EHBP1: variants seen among roughly 807,000 people sequenced by gnomAD.
EHBP1 encodes EH domain-binding protein 1.
In EHBP1, 55 loss-of-function variants were observed where a neutral mutation model predicts 144.0. The ratio of observed to expected loss-of-function variants is 0.38; its 90% confidence interval spans 0.31 to 0.48. EHBP1 has a LOEUF of 0.48. Among genes scored for constraint, EHBP1 ranks in the 20% least tolerant of loss-of-function variants. The pLI, the probability that EHBP1 is intolerant of heterozygous loss-of-function variation, is 0.98. For missense variants in EHBP1, 1,200 were observed against 1,364.2 expected (o/e 0.88, Z 1.90); for synonymous variants, 469 against 472.7 (o/e 0.99, Z 0.10).
At chr2:62,742,793 G>A (rs893846882) in intron 2 of EHBP1, among the ~76,000 whole-genome samples, 3 of 151,922 alleles carry the variant, frequency 2.0e-5, no homozygotes, top group Admixed American at 2.0e-4. Context: ...GTTGTTTGAG[G>A]GCTTTGTGAT....
intron 5 of EHBP1, among the ~76,000 whole-genome samples, chr2:62,825,872 G>C (rs1376744286): frequency 6.6e-6 from 1 of 151,796 alleles, no homozygotes; most frequent in Non-Finnish European, 1.5e-5. Flanking sequence ...TTTCTGCCTG[G>C]GTTACCGCTT....
intron 9 of EHBP1, among the ~76,000 whole-genome samples, chr2:62,870,740 T>TAC (rs1395848947): frequency 3.4e-5 from 5 of 145,532 alleles, no homozygotes; most frequent in African/African-American, 1.3e-4. Context: ...AAAAAATACA[T>TAC]ATATATATAT....
rs1173800106 is a variant in EHBP1, at chr2:63,036,030, G to T, written c.3104-1505G>T. On this transcript the variant is annotated intron_variant, in intron 19 of 22. Coordinates refer to ENST00000431489, the MANE Select transcript of EHBP1 (RefSeq NM_001142616.3). ...TTAGTTTTAACAGCATTGAATGAAG[G>T]CATATATTCTCAACTATTCTCCCTA... 3.3e-5 allele frequency among the ~76,000 whole-genome samples: 5 copies of T among 152,042 alleles called. No homozygotes were observed. The East Asian group carries it at 7.7e-4, about 23-fold the overall frequency.
intron 14 of EHBP1, among the ~76,000 whole-genome samples, chr2:62,976,356 A>G (rs1340555833): frequency 1.3e-5 from 2 of 152,082 alleles, no homozygotes; most frequent in African/African-American, 4.8e-5. Context: ...CTTGAGTTCT[A>G]CCCATTGGTT....
intron 2 of EHBP1, among the ~76,000 whole-genome samples, chr2:62,708,331 G>A (rs921194822): frequency 6.6e-6 from 1 of 152,192 alleles, no homozygotes; most frequent in Non-Finnish European, 1.5e-5. Context: ...ACCAGGTACT[G>A]TGGATTTAGA....
At chr2:62,839,913 C>A (rs1573637642) in intron 7 of EHBP1, among the ~76,000 whole-genome samples, 1 of 151,984 alleles carries the variant, frequency 6.6e-6, no homozygotes, top group South Asian at 2.1e-4. Flanking sequence ...GCCATACTGC[C>A]CAAGGTAATT....
At chr2:62,967,323 G>A (rs575414908) in intron 14 of EHBP1, among the ~76,000 whole-genome samples, 4 of 152,238 alleles carry the variant, frequency 2.6e-5, no homozygotes, top group South Asian at 4.1e-4. Context: ...ACATACGCAC[G>A]ACTTAGTGAT....
At chr2:62,996,199 C>G (rs2059619462) in intron 18 of EHBP1, among the ~76,000 whole-genome samples, 1 of 152,072 alleles carries the variant, frequency 6.6e-6, no homozygotes, top group African/African-American at 2.4e-5. Flanking sequence ...ATCTGACTCT[C>G]TCAGGTTGGA....
Position 62,864,934 on chromosome 2 carries a change from G to C in EHBP1, c.961G>C (p.Ala321Pro). 1 of 1,613,704 alleles carries C rather than the reference G, an allele frequency of 6.2e-7. No individual in the cohort carries two copies. Among genetic ancestry groups the C allele is most frequent in the South Asian group, 1.1e-5 (1 of 91,040 alleles). Reference protein sequence around the residue: ...RPVDMSKYLYADSSKTEEEEL... With the variant: ...RPVDMSKYLYPDSSKTEEEEL... ...TGTGGATATGAGCAAGTACCTCTATGCTGATAGTTCTAAAACTGAAGAAGA... is the reference window on the plus strand; with the variant it reads ...TGTGGATATGAGCAAGTACCTCTATCCTGATAGTTCTAAAACTGAAGAAGA... Residue 321 changes from alanine (A) to proline (P), a missense_variant, in exon 9 of 23, where the codon GCT (alanine) becomes CCT (proline). By Grantham distance (27) the Ala-to-Pro change is conservative (BLOSUM62 -1). Transcript: ENST00000431489.
At chr2:62,705,278 A>G (rs961638498), upstream of EHBP1, among the ~76,000 whole-genome samples, 4 of 152,056 alleles carry the variant, frequency 2.6e-5, no homozygotes, top group East Asian at 7.8e-4. Context: ...AGGCAGCTGC[A>G]CTGCCCACAG....
intron 2 of EHBP1, among the ~76,000 whole-genome samples, chr2:62,707,986 G>A (rs903269565): frequency 6.6e-6 from 1 of 152,088 alleles, no homozygotes; most frequent in African/African-American, 2.4e-5. Flanking sequence ...TGCCCTGAAT[G>A]ATAAACAACA....
chr2:62,967,488 TG>T (rs1489943291), intron 14 of EHBP1, among the ~76,000 whole-genome samples: 1 of 152,214 alleles, frequency 6.6e-6, no homozygotes, highest in Non-Finnish European at 1.5e-5. Context: ...CCTAGACGAT[TG>T]GTATTTTCCA....
intron 5 of EHBP1, among the ~76,000 whole-genome samples, chr2:62,809,661 C>G (rs111615173): frequency 0.022 from 3,293 of 152,222 alleles, 84 homozygotes; most frequent in African/African-American, 0.066. Flanking sequence ...TGTCACTCCC[C>G]CAACTAGTAG....
At chr2:62,943,052 T>C (rs1414196689) in intron 11 of EHBP1, among the ~76,000 whole-genome samples, 156 bp downstream of exon 11, 1 of 152,202 alleles carries the variant, frequency 6.6e-6, no homozygotes, top group Admixed American at 6.5e-5. Context: ...AAGCTTTTCC[T>C]TTTTCATACC....
chr2:62,840,193 C>A (rs1458232513), intron 7 of EHBP1, among the ~76,000 whole-genome samples: 1 of 150,422 alleles, frequency 6.6e-6, no homozygotes, highest in Non-Finnish European at 1.5e-5. Flanking sequence ...CGCATACCTA[C>A]AACTATCTGA....
intron 10 of EHBP1, among the ~76,000 whole-genome samples, chr2:62,897,979 A>G (rs1054096037): frequency 6.6e-5 from 10 of 152,192 alleles, no homozygotes; most frequent in Admixed American, 2.6e-4. Context: ...TTACAGAGTG[A>G]AAAATAAATC....
intron 4 of EHBP1, among the ~76,000 whole-genome samples, chr2:62,770,973 G>A (rs1283570271): frequency 6.6e-6 from 1 of 152,120 alleles, no homozygotes; most frequent in Non-Finnish European, 1.5e-5. Context: ...TGAACATGAA[G>A]AAGGGAACAA....
chr2:62,726,005 A>G (rs925924745), intron 2 of EHBP1, among the ~76,000 whole-genome samples: 1 of 152,074 alleles, frequency 6.6e-6, no homozygotes, highest in African/African-American at 2.4e-5. Context: ...GGGAGAGGCC[A>G]GCAGACCAAG....
chr2:62,774,772 A>C (rs939143582), intron 5 of EHBP1, among the ~76,000 whole-genome samples: 3 of 151,752 alleles, frequency 2.0e-5, no homozygotes, highest in African/African-American at 7.3e-5. Context: ...TTGAGCCCAG[A>C]AGGTCAAGGC....
Sources: gnomAD v4.1 joint callset for allele counts (sites outside exome capture counted in the v4.1 genomes callset) on GRCh38, gnomAD v4.1.1 for gene constraint, MANE v1.5 for transcripts, NCBI Gene and HGNC (gene_info 2026-07-23, HGNC 2026-07-21) for gene names.